The following ZNF136 variants were observed in gnomAD, a reference collection of about 807,000 sequenced individuals.
ZNF136 encodes the protein zinc finger protein 136 (clone pHZ-20).
A neutral mutation model predicts 11.4 loss-of-function variants in ZNF136; 8 were observed. That is an observed-to-expected ratio of 0.70 (90% CI 0.41 to 1.27). The LOEUF (loss-of-function observed/expected upper bound fraction) is 1.27, where lower values mean the gene tolerates loss of function less well. Ranked by LOEUF, ZNF136 falls within the 50% of genes most tolerant of loss-of-function variation. ZNF136 has a pLI of 0.01. For synonymous variants in ZNF136, 190 were observed against 207.1 expected, an observed-to-expected ratio of 0.92 and a Z score of 0.71; for missense variants, 590 against 656.5, an observed-to-expected ratio of 0.90 and a Z score of 1.11.
At chr19:12,166,101 G>T (rs183671609) in intron 1 of ZNF136, among the ~76,000 whole-genome samples, 1 of 151,904 alleles carries the variant, frequency 6.6e-6, no homozygotes, top group South Asian at 2.1e-4. Flanking sequence ...GGTGGTGGGC[G>T]CCTATAATCC....
intron 1 of ZNF136, among the ~76,000 whole-genome samples, chr19:12,167,243 T>C (rs1977199165): frequency 6.6e-6 from 1 of 152,346 alleles, no homozygotes; most frequent in Admixed American, 6.5e-5. Flanking sequence ...CTACATGATA[T>C]GTGTAGGTTC....
Position 12,176,718 on chromosome 19 carries a change from G to A in ZNF136, c.4-9067G>A, listed in dbSNP as rs145871925. Among the ~76,000 whole-genome samples, 173 of 152,316 alleles carry A rather than the reference G, an allele frequency of 1.1e-3. 1 individual carries two copies. Among genetic ancestry groups the A allele is most frequent in the Middle Eastern group, 0.01 (3 of 294 alleles). ...GAACAAATAACCCTATCTGCCTGAA[G>A]CAGGGTGGGAGACAAGAAACAAGAT... On this transcript the variant is annotated intron_variant, in intron 1 of 3. Transcript: ENST00000343979.
intron 1 of ZNF136, among the ~76,000 whole-genome samples, chr19:12,173,791 G>A (rs187871045): frequency 3.9e-4 from 59 of 152,244 alleles, no homozygotes; most frequent in Non-Finnish European, 7.5e-4. Flanking sequence ...GGTCAGTCTC[G>A]TAGGACTGAG....
intron 1 of ZNF136, 149 bp downstream of exon 1, chr19:12,163,355 C>T (rs1045619208): frequency 2.3e-5 from 25 of 1,093,936 alleles, no homozygotes; most frequent in East Asian, 3.1e-5. Flanking sequence ...TTGGTACCCT[C>T]GGCCTCAGGG....
intron 1 of ZNF136, among the ~76,000 whole-genome samples, chr19:12,179,486 T>C (rs536586543): frequency 4.1e-4 from 62 of 152,126 alleles, no homozygotes; most frequent in African/African-American, 1.5e-3. Context: ...AATTTTTGTA[T>C]TTTTTATAGA....
rs189664381 is a variant in ZNF136, at chr19:12,189,186, C to T, written c.*1185C>T. The T allele has an allele frequency of 6.6e-6, 1 of 152,178 alleles. No homozygotes were observed. Among genetic ancestry groups the T allele is most frequent in the Admixed American group, 6.5e-5 (1 of 15,282 alleles). 9.4% of individuals were successfully genotyped at this position (152,178 alleles called of 1,614,324 possible). A position where few individuals can be genotyped will look rare whatever the true frequency, so the allele number is the denominator to read the frequency against. The stretch of plus-strand genomic sequence containing the variant: ...AGGTATGTTAAATTGTATATGGTTG[C>T]TTAATTGTTCTGTGATTGAGGACCA... On this transcript the variant is annotated 3_prime_UTR_variant, in exon 4 of 4. Transcript: ENST00000343979.
chr19:12,186,110 T>A lies in ZNF136; in HGVS notation c.131-4T>A, dbSNP rs1336222015. On this transcript the variant is annotated splice_polypyrimidine_tract_variant and splice_region_variant and intron_variant, in intron 2 of 3. Transcript: ENST00000343979. Reference sequence around the variant, plus strand: ...TTCAGAATTTTTCTGGGTCTCTGTTTTAGGGAAAAAATGGAAGGACCAGAA... The same window carrying A: ...TTCAGAATTTTTCTGGGTCTCTGTTATAGGGAAAAAATGGAAGGACCAGAA... 4.4e-6 allele frequency: 7 copies of A among 1,607,386 alleles called. No homozygotes were observed. The highest frequency in any genetic ancestry group is 5.1e-6 in the Non-Finnish European group (6 of 1,178,374).
chr19:12,167,839 A>G (rs1173669262), intron 1 of ZNF136, among the ~76,000 whole-genome samples: 5 of 152,178 alleles, frequency 3.3e-5, no homozygotes. Flanking sequence ...CTGTGAAAGC[A>G]AAGCCAAACT....
At chr19:12,183,915 G>T (rs1222844957) in intron 1 of ZNF136, among the ~76,000 whole-genome samples, 1 of 152,164 alleles carries the variant, frequency 6.6e-6, no homozygotes, top group Non-Finnish European at 1.5e-5. Context: ...GATACATTTT[G>T]ATGAGAAAGT....
chr19:12,186,315 C>T (rs939109078), intron 3 of ZNF136, 141 bp downstream of exon 3: 10 of 924,832 alleles, frequency 1.1e-5, no homozygotes, highest in African/African-American at 1.7e-5. Flanking sequence ...ACATATTCTT[C>T]AGTGTAAACA....
chr19:12,177,527 T>C (rs562858189), intron 1 of ZNF136, among the ~76,000 whole-genome samples: 90 of 152,278 alleles, frequency 5.9e-4, no homozygotes, highest in African/African-American at 2.1e-3. Context: ...TTTTGTGTTT[T>C]TAGTGGAGAT....
intron 1 of ZNF136, among the ~76,000 whole-genome samples, chr19:12,179,388 G>A (rs1461602927): frequency 2.0e-5 from 3 of 150,384 alleles, no homozygotes; most frequent in African/African-American, 4.9e-5. Context: ...TGGGCTTACT[G>A]CAACCTCTGC....
At chr19:12,178,620 A>G (rs1440461280) in intron 1 of ZNF136, among the ~76,000 whole-genome samples, 1 of 152,220 alleles carries the variant, frequency 6.6e-6, no homozygotes, top group Non-Finnish European at 1.5e-5. Flanking sequence ...GCTAAGTTAT[A>G]TAAAAAATTC....
intron 1 of ZNF136, among the ~76,000 whole-genome samples, chr19:12,182,167 C>G (rs1022907862): frequency 1.3e-5 from 2 of 152,228 alleles, no homozygotes; most frequent in Non-Finnish European, 1.5e-5. Context: ...ATAAAGATTT[C>G]TTTTATGTTT....
At chr19:12,171,450 G>A (rs1015822891) in intron 1 of ZNF136, among the ~76,000 whole-genome samples, 1 of 152,104 alleles carries the variant, frequency 6.6e-6, no homozygotes, top group Non-Finnish European at 1.5e-5. Flanking sequence ...ATTACATGTT[G>A]CTTTTTACAC....
chr19:12,183,548 A>AATCT (rs57826139), intron 1 of ZNF136, among the ~76,000 whole-genome samples: 8,426 of 145,448 alleles, frequency 0.058, 248 homozygotes, highest in Non-Finnish European at 0.067. Context: ...CACATAACTG[A>AATCT]ATCTATCTAT....
intron 1 of ZNF136, among the ~76,000 whole-genome samples, chr19:12,183,397 A>G (rs1393625631): frequency 6.6e-6 from 1 of 152,206 alleles, no homozygotes; most frequent in East Asian, 1.9e-4. Flanking sequence ...TGGCCTCCCG[A>G]AGTGCTGGGA....
chr19:12,185,096 G>T (rs1915049373), intron 1 of ZNF136: 1 of 152,202 alleles, frequency 6.6e-6, no homozygotes, highest in Non-Finnish European at 1.5e-5. Flanking sequence ...GCAACATATG[G>T]TCTCTTGGCA....
chr19:12,185,610 A>T, intron 1 of ZNF136, 175 bp from the exon 2 acceptor site: 1 of 746,770 alleles, frequency 1.3e-6, no homozygotes. Flanking sequence ...GTTCTACCCG[A>T]TAGTTCCATT....
Sources: gnomAD v4.1 joint callset for allele counts (sites outside exome capture counted in the v4.1 genomes callset) on GRCh38, gnomAD v4.1.1 for gene constraint, MANE v1.5 for transcripts, NCBI Gene and HGNC (gene_info 2026-07-23, HGNC 2026-07-21) for gene names.